Variants in XRN1 observed in about 807,000 individuals in gnomAD.
XRN1 encodes strand-exchange protein 1 homolog.
A neutral mutation model predicts 222.3 loss-of-function variants in XRN1; 67 were observed. The observed-to-expected ratio is 0.30, with a 90% confidence interval of 0.25 to 0.37. The LOEUF is 0.37. XRN1 is among the 10% of genes least tolerant of loss of function. The pLI is 1.00. For synonymous variants in XRN1, 643 were observed against 652.4 expected (o/e 0.99, Z 0.22); for missense variants, 1,707 against 2,000.2 (o/e 0.85, Z 2.80).
intron 32 of XRN1, among the ~76,000 whole-genome samples, 158 bp from the exon 33 acceptor site, chr3:142,347,500 CTA>C (rs2066178991): frequency 6.6e-6 from 1 of 152,094 alleles, no homozygotes; most frequent in South Asian, 2.1e-4. Context: ...CACTTGAACT[CTA>C]TCACCAGACT....
At position 142,311,736 on chromosome 3, in the gene XRN1, C is replaced by T. The variant is rs762531590; in HGVS notation, c.4860G>A (p.Gln1620=). ...EAQSSQATPV[Q]TSQPDSSNIV... ...TGTTGGAAGAATCTGGCTGGCTAGT[C>T]TGAACTGGAGTGGCTTGAGAACTCT... Residue 1620 remains glutamine, a synonymous_variant, in exon 41 of 41, where the codon CAG becomes CAA. Coordinates refer to ENST00000392981, the MANE Select transcript of XRN1 (RefSeq NM_001282857.2). 1.1e-5 allele frequency: 18 copies of T among 1,614,010 alleles called. No homozygotes were observed. The highest frequency in any genetic ancestry group is 1.7e-5 in the Admixed American group (1 of 59,998).
At chr3:142,330,810 GT>G (rs1432013182) in intron 36 of XRN1, among the ~76,000 whole-genome samples, 6 of 151,904 alleles carry the variant, frequency 3.9e-5, no homozygotes, top group African/African-American at 4.8e-5. Context: ...TTTATTCCAG[GT>G]TTTGTTTTTG....
At chr3:142,389,596 T>C (rs2067640706) in intron 20 of XRN1, among the ~76,000 whole-genome samples, 2 of 152,254 alleles carry the variant, frequency 1.3e-5, no homozygotes, top group South Asian at 2.1e-4. Flanking sequence ...CTTGGTTCAC[T>C]GCAACCTCTG....
At chr3:142,359,646 T>A (rs2066562359) in intron 30 of XRN1, among the ~76,000 whole-genome samples, 1 of 152,168 alleles carries the variant, frequency 6.6e-6, no homozygotes, top group Non-Finnish European at 1.5e-5. Context: ...AATTAAATAA[T>A]TAATAATGTA....
rs367804789 is a variant in XRN1, at chr3:142,397,348, C to T, written c.2320G>A (p.Val774Ile). 8.2e-6 allele frequency: 13 copies of T among 1,590,570 alleles called. No homozygotes were observed. The highest frequency in any genetic ancestry group is 1.1e-5 in the Non-Finnish European group (13 of 1,168,434). The part of the protein sequence containing the change: ...DKEQSNWAKE[V>I]QGISEHYLRR... Reference sequence around the variant, plus strand: ...ACTCACTGTTCTGAAATTCCTTGTACTTCTTTTGCCCAGTTAGATTGTTCT... The same window carrying T: ...ACTCACTGTTCTGAAATTCCTTGTATTTCTTTTGCCCAGTTAGATTGTTCT... Residue 774 changes from valine to isoleucine, a missense_variant, in exon 20 of 41, where the codon GTA becomes ATA. Val to Ile is a conservative substitution (Grantham distance 29, BLOSUM62 3). Coordinates refer to ENST00000392981, the MANE Select transcript of XRN1 (RefSeq NM_001282857.2).
At chr3:142,427,941 T>C (rs2069330446) in intron 2 of XRN1, among the ~76,000 whole-genome samples, 1 of 152,234 alleles carries the variant, frequency 6.6e-6, no homozygotes, top group Non-Finnish European at 1.5e-5. Flanking sequence ...TTAACTTCTC[T>C]CTCACCAACC....
At chr3:142,315,681 G>A (rs945311016) in intron 39 of XRN1, among the ~76,000 whole-genome samples, 1 of 151,486 alleles carries the variant, frequency 6.6e-6, no homozygotes, top group Non-Finnish European at 1.5e-5. Context: ...GCTAATTTTA[G>A]AATTTTCGTA....
In XRN1 at chr3:142,421,463, T is replaced by TC. The variant is rs762628322; in HGVS notation, c.1035+12dup. 1.9e-6 allele frequency: 3 copies of TC among 1,594,708 alleles called. No individual in the cohort carries two copies. In the Admixed American group the frequency reaches 5.3e-5, roughly 28 times the overall value. On this transcript the variant is annotated intron_variant, in intron 9 of 40. Coordinates refer to ENST00000392981, the MANE Select transcript of XRN1 (RefSeq NM_001282857.2). The stretch of plus-strand genomic sequence containing the variant: ...ACTCTGCGACAGGAAACCAAAAATT[T>TC]CTAGTTACTTACATCTGATAGTTTC...
chr3:142,351,245 G>A (rs370511577), intron 32 of XRN1, among the ~76,000 whole-genome samples: 2 of 152,112 alleles, frequency 1.3e-5, no homozygotes, highest in Non-Finnish European at 2.9e-5. Flanking sequence ...TAAAGAGCCC[G>A]AGAGTTTAGG....
intron 27 of XRN1, among the ~76,000 whole-genome samples, chr3:142,369,356 T>C (rs1318656531): frequency 6.6e-6 from 1 of 152,040 alleles, no homozygotes; most frequent in Non-Finnish European, 1.5e-5. Context: ...GTAAGAAAAG[T>C]ACATTTTAGG....
At chr3:142,421,287 C>A (rs2069022837) in intron 9 of XRN1, 134 bp from the exon 10 acceptor site, 1 of 974,528 alleles carries the variant, frequency 1.0e-6, no homozygotes, top group Non-Finnish European at 1.4e-6. Context: ...ATATGGGAGA[C>A]CTCATGTGTT....
At chr3:142,315,126 AG>A (rs2065178260) in intron 39 of XRN1, among the ~76,000 whole-genome samples, 1 of 151,530 alleles carries the variant, frequency 6.6e-6, no homozygotes, top group Non-Finnish European at 1.5e-5. Flanking sequence ...TGTAGCAGTA[AG>A]GTCTCCCTAT....
chr3:142,370,596 A>T lies in XRN1; in HGVS notation c.3093T>A (p.Ile1031=). 1.3e-6 allele frequency: 2 copies of T among 1,584,380 alleles called. No individual in the cohort carries two copies. The highest frequency in any genetic ancestry group is 1.7e-6 in the Non-Finnish European group (2 of 1,170,972). ...ENGAEKVQEI[I]TWLKGHPVST... ...TGACAGGATGTCCTTTTAGCCAAGTAATAATTTCTTGAACTTTTTCAGCAC... is the reference window on the plus strand; with the variant it reads ...TGACAGGATGTCCTTTTAGCCAAGTTATAATTTCTTGAACTTTTTCAGCAC... The change falls in exon 27 of 41, where the codon ATT becomes ATA. Residue 1031 remains isoleucine (I), a synonymous_variant. Transcript: ENST00000392981.
chr3:142,351,153 GTATC>G (rs558846275), intron 32 of XRN1, among the ~76,000 whole-genome samples: 33 of 151,762 alleles, frequency 2.2e-4, no homozygotes, highest in Admixed American at 3.9e-4. Flanking sequence ...ATGTATCTAT[GTATC>G]TATCTATCTA....
chr3:142,412,681 A>G lies in XRN1; in HGVS notation c.1594-18T>C. ...ATCAAATGCTGTGAAAATATGAAAT[A>G]GTATAATAGAAATATAAGAACTAAT... On this transcript the variant is annotated intron_variant, in intron 14 of 40. Transcript: ENST00000392981. 1 of 1,496,508 alleles carries G rather than the reference A, an allele frequency of 6.7e-7. No homozygotes were observed. The highest frequency in any genetic ancestry group is 9.1e-7 in the Non-Finnish European group (1 of 1,101,146). 92.7% of individuals were successfully genotyped at this position (1,496,508 alleles called of 1,614,324 possible).
rs549078703 is a variant in XRN1, at chr3:142,335,937, G to C, written c.3878-428C>G. On this transcript the variant is annotated intron_variant, in intron 33 of 40. Coordinates refer to ENST00000392981, the MANE Select transcript of XRN1 (RefSeq NM_001282857.2). Reference sequence around the variant, plus strand: ...TAAGTTGGTAGGAAATGGGCAGCCAGTAACAGAAAGGTTTAAGCAGGTAGT... The same window carrying C: ...TAAGTTGGTAGGAAATGGGCAGCCACTAACAGAAAGGTTTAAGCAGGTAGT... Among the ~76,000 whole-genome samples, 4 of 152,322 alleles carry C rather than the reference G, an allele frequency of 2.6e-5. 1 individual carries two copies. The South Asian group carries it at 8.3e-4, about 32-fold the overall frequency.
chr3:142,371,416 A>C, intron 25 of XRN1, 88 bp from the exon 26 acceptor site: 1 of 963,456 alleles, frequency 1.0e-6, no homozygotes, highest in East Asian at 2.6e-5. Context: ...ATCCTAAAGA[A>C]ACATATAAAG....
chr3:142,369,190 T>G (rs577320777), intron 27 of XRN1, among the ~76,000 whole-genome samples: 1 of 152,120 alleles, frequency 6.6e-6, no homozygotes, highest in African/African-American at 2.4e-5. Context: ...AAACATGAAA[T>G]AAAAAGTTGA....
intron 21 of XRN1, among the ~76,000 whole-genome samples, chr3:142,384,221 G>A (rs954399991): frequency 2.0e-5 from 3 of 149,176 alleles, no homozygotes; most frequent in South Asian, 2.1e-4. Context: ...GCAGTGAGCC[G>A]AGATGGCGCC....
Sources: allele counts gnomAD v4.1 joint callset (sites outside exome capture counted in the v4.1 genomes callset), GRCh38; gene constraint gnomAD v4.1.1; transcripts MANE v1.5; gene names NCBI Gene and HGNC (gene_info 2026-07-23, HGNC 2026-07-21).